Variants in ADGRL3 observed in about 807,000 individuals in gnomAD.
ADGRL3 encodes the protein adhesion G protein-coupled receptor L3, also known as calcium-independent alpha-latrotoxin receptor 3.
A neutral mutation model predicts 153.5 loss-of-function variants in ADGRL3; 62 were observed. The observed-to-expected ratio is 0.40, with a 90% confidence interval of 0.33 to 0.50. The LOEUF is 0.50. Ranked by LOEUF, ADGRL3 falls within the 20% of genes least tolerant of loss-of-function variation. The probability of loss-of-function intolerance (pLI) is 0.47; values close to 1 mark genes in which losing one functional copy is unlikely to be tolerated. For missense variants in ADGRL3, 1,641 were observed against 1,859.4 expected (o/e 0.88, Z 2.16); for synonymous variants, 710 against 672.5 (o/e 1.06, Z -0.86).
At chr4:61,283,416 G>C (rs1160791349) in intron 1 of ADGRL3, among the ~76,000 whole-genome samples, 2 of 151,952 alleles carry the variant, frequency 1.3e-5, no homozygotes, top group African/African-American at 4.8e-5. Context: ...TAGGACCTCA[G>C]GTTCTTCAAT....
At chr4:61,337,689 G>A (rs1302628312) in intron 1 of ADGRL3, among the ~76,000 whole-genome samples, 4 of 152,154 alleles carry the variant, frequency 2.6e-5, no homozygotes, top group Non-Finnish European at 5.9e-5. Context: ...CTTGCTGTGT[G>A]TTATGCTTCA....
At chr4:61,887,170 T>A (rs1467147136) in intron 9 of ADGRL3, among the ~76,000 whole-genome samples, 1 of 152,136 alleles carries the variant, frequency 6.6e-6, no homozygotes, top group African/African-American at 2.4e-5. Flanking sequence ...CAGCCTAGAC[T>A]ATTTTTGATT....
At chr4:61,503,732 T>C (rs1390467349) in intron 3 of ADGRL3, among the ~76,000 whole-genome samples, 1 of 152,160 alleles carries the variant, frequency 6.6e-6, no homozygotes, top group Non-Finnish European at 1.5e-5. Context: ...AATATTGTTA[T>C]TAGTAAAATA....
chr4:61,623,593 C>T (rs905958022), intron 5 of ADGRL3, among the ~76,000 whole-genome samples: 30 of 152,092 alleles, frequency 2.0e-4, no homozygotes, highest in African/African-American at 6.5e-4. Flanking sequence ...TCAGTCTCTC[C>T]CATCCTTACC....
At chr4:61,708,120 T>C (rs2095887066) in intron 6 of ADGRL3, among the ~76,000 whole-genome samples, 1 of 152,174 alleles carries the variant, frequency 6.6e-6, no homozygotes, top group African/African-American at 2.4e-5. Flanking sequence ...ACTTACCGTC[T>C]TCTTTTTGTT....
chr4:62,069,201 A>G (rs1404670966), intron 26 of ADGRL3, among the ~76,000 whole-genome samples: 2 of 152,150 alleles, frequency 1.3e-5, no homozygotes, highest in African/African-American at 4.8e-5. Flanking sequence ...CCAGAATAAA[A>G]TGTTTATCCT....
At chr4:61,263,733 T>C (rs559916794) in intron 1 of ADGRL3, among the ~76,000 whole-genome samples, 37 of 152,056 alleles carry the variant, frequency 2.4e-4, no homozygotes, top group Middle Eastern at 6.8e-3. Flanking sequence ...GCTTCTCAAA[T>C]GAATCAAAAA....
At chr4:61,636,750 A>G (rs1368013337) in intron 5 of ADGRL3, among the ~76,000 whole-genome samples, 1 of 151,178 alleles carries the variant, frequency 6.6e-6, no homozygotes, top group Non-Finnish European at 1.5e-5. Flanking sequence ...GCATAAGAAT[A>G]TATATTTATG....
chr4:61,974,897 G>C (rs931931881), intron 17 of ADGRL3, among the ~76,000 whole-genome samples: 8 of 152,126 alleles, frequency 5.3e-5, no homozygotes, highest in African/African-American at 1.9e-4. Flanking sequence ...GATTTAAGAG[G>C]AAGAGTCCCA....
intron 1 of ADGRL3, among the ~76,000 whole-genome samples, chr4:61,285,258 G>A (rs1286490088): frequency 6.6e-6 from 1 of 151,758 alleles, no homozygotes; most frequent in Non-Finnish European, 1.5e-5. Flanking sequence ...TATAGATTTA[G>A]CTTACTGCAT....
intron 9 of ADGRL3, among the ~76,000 whole-genome samples, chr4:61,869,042 A>G (rs1344649303): frequency 2.0e-5 from 3 of 152,154 alleles, no homozygotes; most frequent in Admixed American, 1.3e-4. Flanking sequence ...TACTGGGCTC[A>G]AGTGATCCTC....
intron 9 of ADGRL3, among the ~76,000 whole-genome samples, chr4:61,842,531 G>C (rs2098048571): frequency 6.6e-6 from 1 of 151,906 alleles, no homozygotes; most frequent in Non-Finnish European, 1.5e-5. Context: ...CTGCATTGGG[G>C]TACAAACACA....
chr4:61,951,530 C>T (rs1414823347), intron 17 of ADGRL3, among the ~76,000 whole-genome samples: 1 of 152,144 alleles, frequency 6.6e-6, no homozygotes, highest in Non-Finnish European at 1.5e-5. Context: ...ACAGATTATT[C>T]CCAATTCTAT....
intron 9 of ADGRL3, among the ~76,000 whole-genome samples, chr4:61,872,128 A>G (rs948541650): frequency 6.6e-6 from 1 of 152,198 alleles, no homozygotes; most frequent in African/African-American, 2.4e-5. Flanking sequence ...GAAGTGACAG[A>G]TAACACTTAG....
intron 11 of ADGRL3, 91 bp from the exon 12 acceptor site, chr4:61,909,469 T>G: frequency 1.2e-6 from 1 of 835,176 alleles, no homozygotes; most frequent in Non-Finnish European, 1.8e-6. Context: ...AATCGATGAT[T>G]ACAATTACAT....
intron 1 of ADGRL3, among the ~76,000 whole-genome samples, chr4:61,346,660 G>A (rs1326331118): frequency 6.6e-6 from 1 of 150,756 alleles, no homozygotes; most frequent in Non-Finnish European, 1.5e-5. Flanking sequence ...CTATTGTCCC[G>A]GCTACTCTGA....
At chr4:61,651,729 T>C (rs1461060649) in intron 5 of ADGRL3, among the ~76,000 whole-genome samples, 1 of 151,390 alleles carries the variant, frequency 6.6e-6, no homozygotes, top group East Asian at 1.9e-4. Flanking sequence ...CGCCTCAACC[T>C]CCTGAGTAGC....
In ADGRL3 at chr4:61,912,749, T is replaced by C. The variant is rs1327462775; in HGVS notation, c.2104T>C (p.Tyr702His). Residue 702 changes from tyrosine to histidine, a missense_variant, in exon 13 of 27, where the codon TAT becomes CAT. Coordinates refer to ENST00000683033, the MANE Select transcript of ADGRL3 (RefSeq NM_001387552.1). ...GAAAAGAGAGCGCTCTTGCAGAGCC[T>C]ATGTCCAGGTACTTTCTGCGTTTTT... is the stretch of plus-strand genomic sequence containing the variant. ...LQKRERSCRA[Y>H]VQAMVETVNN... 1 of 1,613,172 alleles carries C rather than the reference T, an allele frequency of 6.2e-7. No individual in the cohort carries two copies. Among genetic ancestry groups the C allele is most frequent in the South Asian group, 1.1e-5 (1 of 91,066 alleles).
intron 2 of ADGRL3, among the ~76,000 whole-genome samples, chr4:61,410,540 T>C (rs2097073318): frequency 6.6e-6 from 1 of 152,136 alleles, no homozygotes; most frequent in South Asian, 2.1e-4. Context: ...TATGAACAAG[T>C]CTAGCTATAT....
Sources: allele counts gnomAD v4.1 joint callset (sites outside exome capture counted in the v4.1 genomes callset), GRCh38; gene constraint gnomAD v4.1.1; transcripts MANE v1.5; gene names NCBI Gene and HGNC (gene_info 2026-07-23, HGNC 2026-07-21).